The following RBMS3 variants were observed in gnomAD, a reference collection of about 807,000 sequenced individuals.
RBMS3 encodes RNA binding motif single stranded interacting protein 3, also known as RNA-binding motif, single-stranded-interacting protein 3.
RBMS3 carries 27 observed loss-of-function variants against 66.8 expected under a neutral mutation model. The ratio of observed to expected loss-of-function variants is 0.40; its 90% CI spans 0.30 to 0.56. The LOEUF (loss-of-function observed/expected upper bound fraction) is 0.56. Among genes scored for constraint, RBMS3 ranks in the 20% least tolerant of loss-of-function variants. RBMS3 has a pLI of 0.40. For synonymous variants in RBMS3, 188 were observed against 183.0 expected (o/e 1.03, Z -0.22); for missense variants, 513 against 549.5 (o/e 0.93, Z 0.66).
At chr3:29,903,125 AT>A (rs1184620772) in intron 10 of RBMS3, 3 of 151,900 alleles carry the variant, frequency 2.0e-5, no homozygotes, top group Non-Finnish European at 4.4e-5. Context: ...GTGCTTGTAG[AT>A]TTAGAAAAAA....
intron 1 of RBMS3, among the ~76,000 whole-genome samples, chr3:29,361,130 T>C (rs904147225): frequency 6.6e-6 from 1 of 152,090 alleles, no homozygotes; most frequent in Non-Finnish European, 1.5e-5. Context: ...TTGAAGCAGT[T>C]TCTTCCTAGC....
At chr3:29,939,297 A>G (rs1269605621) in intron 11 of RBMS3, among the ~76,000 whole-genome samples, 1 of 152,000 alleles carries the variant, frequency 6.6e-6, no homozygotes, top group Non-Finnish European at 1.5e-5. Context: ...CTCATACTAT[A>G]TAAACATATA....
intron 12 of RBMS3, among the ~76,000 whole-genome samples, chr3:29,960,302 T>C (rs993802219): frequency 3.9e-5 from 6 of 152,212 alleles, no homozygotes; most frequent in African/African-American, 1.4e-4. Flanking sequence ...TTTGACTCCA[T>C]GTCTCACATC....
At chr3:29,644,503 A>G (rs1413860507) in intron 4 of RBMS3, among the ~76,000 whole-genome samples, 2 of 152,166 alleles carry the variant, frequency 1.3e-5, no homozygotes, top group East Asian at 3.9e-4. Context: ...AACGTGTCTC[A>G]GATGGAACAC....
intron 6 of RBMS3, among the ~76,000 whole-genome samples, chr3:29,852,811 A>G (rs533550361): frequency 1.3e-5 from 2 of 152,346 alleles, no homozygotes; most frequent in South Asian, 4.1e-4. Flanking sequence ...ATTCCTAGGT[A>G]TATACCCAAA....
intron 3 of RBMS3, among the ~76,000 whole-genome samples, chr3:29,584,212 C>T (rs953884269): frequency 2.0e-5 from 3 of 152,250 alleles, no homozygotes; most frequent in Admixed American, 6.5e-5. Context: ...TAATTGATCT[C>T]TCCCTCCTCA....
chr3:29,777,999 C>T (rs190866763), intron 6 of RBMS3, among the ~76,000 whole-genome samples: 16 of 151,830 alleles, frequency 1.1e-4, no homozygotes, highest in African/African-American at 3.9e-4. Flanking sequence ...CTCTTTTTCT[C>T]TGATGGCTTA....
intron 4 of RBMS3, among the ~76,000 whole-genome samples, chr3:29,701,013 CA>C (rs972066331): frequency 6.6e-6 from 1 of 152,126 alleles, no homozygotes; most frequent in Non-Finnish European, 1.5e-5. Flanking sequence ...ATTCTGAGAA[CA>C]ATGAAGAACT....
intron 12 of RBMS3, among the ~76,000 whole-genome samples, chr3:29,986,480 T>C (rs1443734216): frequency 1.3e-5 from 2 of 152,206 alleles, no homozygotes; most frequent in East Asian, 3.8e-4. Flanking sequence ...TGAAATACAT[T>C]GGAACACAGA....
chr3:29,816,661 G>A (rs2057913489), intron 6 of RBMS3, among the ~76,000 whole-genome samples: 1 of 152,106 alleles, frequency 6.6e-6, no homozygotes, highest in Admixed American at 6.5e-5. Context: ...GGCTTATAAT[G>A]TGAAGTTCTT....
chr3:29,610,321 A>C (rs1559507246), intron 4 of RBMS3, among the ~76,000 whole-genome samples: 1 of 152,054 alleles, frequency 6.6e-6, no homozygotes, highest in African/African-American at 2.4e-5. Context: ...TGCAGTAGTC[A>C]CCATAATTTG....
intron 1 of RBMS3, among the ~76,000 whole-genome samples, chr3:29,303,712 C>T (rs576960008): frequency 2.6e-5 from 4 of 151,804 alleles, no homozygotes; most frequent in Non-Finnish European, 4.4e-5. Context: ...ACAAAACATG[C>T]TTTCAAATAT....
At chr3:29,691,446 C>T (rs1368677637) in intron 4 of RBMS3, among the ~76,000 whole-genome samples, 2 of 152,080 alleles carry the variant, frequency 1.3e-5, no homozygotes, top group African/African-American at 2.4e-5. Context: ...TAATAGCACA[C>T]ACTCTTGGTA....
chr3:29,610,537 G>T (rs2149132541), intron 4 of RBMS3, among the ~76,000 whole-genome samples: 1 of 152,032 alleles, frequency 6.6e-6, no homozygotes, highest in African/African-American at 2.4e-5. Context: ...CTAGCTTCTT[G>T]TAATTAGCCT....
chr3:29,591,426 A>G (rs2047734085), intron 4 of RBMS3, among the ~76,000 whole-genome samples: 2 of 152,332 alleles, frequency 1.3e-5, no homozygotes, highest in South Asian at 4.1e-4. Context: ...TTAGGAAAGG[A>G]GAAAATGGGA....
intron 4 of RBMS3, among the ~76,000 whole-genome samples, chr3:29,703,598 T>C (rs2149293954): frequency 6.6e-6 from 1 of 152,340 alleles, no homozygotes; most frequent in East Asian, 1.9e-4. Context: ...TAGTGCCATG[T>C]TATAACAAAG....
chr3:29,758,810 A>G (rs2055536587), intron 5 of RBMS3, among the ~76,000 whole-genome samples: 1 of 152,166 alleles, frequency 6.6e-6, no homozygotes, highest in Non-Finnish European at 1.5e-5. Flanking sequence ...AAAATAGTTT[A>G]ATGTTGACCC....
chr3:29,444,822 A>G (rs930940411), intron 2 of RBMS3, among the ~76,000 whole-genome samples: 4 of 56,970 alleles, frequency 7.0e-5, no homozygotes, highest in Non-Finnish European at 1.0e-4. Flanking sequence ...TGCTCCATCT[A>G]TACCAAAATA....
intron 4 of RBMS3, among the ~76,000 whole-genome samples, chr3:29,600,311 A>G (rs569644198): frequency 1.6e-4 from 25 of 152,160 alleles, no homozygotes; most frequent in Middle Eastern, 3.4e-3. Context: ...TAGATCCCTC[A>G]TGAATGGCTT....
Sources: gnomAD v4.1 joint callset for allele counts (sites outside exome capture counted in the v4.1 genomes callset) on GRCh38, gnomAD v4.1.1 for gene constraint, MANE v1.5 for transcripts, NCBI Gene and HGNC (gene_info 2026-07-23, HGNC 2026-07-21) for gene names.